The following CENPK variants were observed in gnomAD, a reference collection of about 807,000 sequenced individuals.
The protein encoded by CENPK is centromere protein K, also known as SoxLZ/Sox6-binding protein Solt.
Under a neutral mutation model 40.9 loss-of-function variants are expected in CENPK, and 46 were observed. The observed-to-expected ratio is 1.13, with a 90% CI of 0.89 to 1.44. The LOEUF is 1.44. Ranked by LOEUF, CENPK falls within the 40% of genes most tolerant of loss-of-function variation. The pLI is 0.00. For missense variants in CENPK, 288 were observed against 303.5 expected (o/e 0.95, Z 0.38); for synonymous variants, 107 against 104.4 (o/e 1.02, Z -0.15).
intron 5 of CENPK, among the ~76,000 whole-genome samples, chr5:65,547,828 C>T (rs1285090179): frequency 6.6e-6 from 1 of 152,044 alleles, no homozygotes; most frequent in Non-Finnish European, 1.5e-5. Context: ...CAACACCTGG[C>T]AAATTTTTTA....
At chr5:65,550,234 C>G (rs1222593486) in intron 5 of CENPK, among the ~76,000 whole-genome samples, 4 of 151,800 alleles carry the variant, frequency 2.6e-5, no homozygotes, top group Non-Finnish European at 4.4e-5. Flanking sequence ...CTAACTGGTG[C>G]CGGAGGCCTA....
intron 6 of CENPK, among the ~76,000 whole-genome samples, chr5:65,535,171 A>G (rs951651031): frequency 1.3e-5 from 2 of 152,178 alleles, no homozygotes; most frequent in Non-Finnish European, 2.9e-5. Context: ...GGTCAAGGTT[A>G]CAACGAACTG....
At chr5:65,541,424 T>C (rs1173144669) in intron 6 of CENPK, 1 of 456,256 alleles carries the variant, frequency 2.2e-6, no homozygotes, top group South Asian at 1.5e-5. Flanking sequence ...GAGAGAATCA[T>C]CATCTGCAGA....
At chr5:65,540,456 A>G (rs751717710) in intron 6 of CENPK, among the ~76,000 whole-genome samples, 8 of 152,174 alleles carry the variant, frequency 5.3e-5, no homozygotes, top group Admixed American at 2.0e-4. Context: ...CATATGCATG[A>G]GTTGACTGAT....
chr5:65,553,941 A>C (rs1417063211), intron 3 of CENPK, among the ~76,000 whole-genome samples: 1 of 152,144 alleles, frequency 6.6e-6, no homozygotes, highest in Non-Finnish European at 1.5e-5. Flanking sequence ...CACACTCAAC[A>C]AAATCCTTTA....
chr5:65,557,656 C>A (rs1459911267), intron 2 of CENPK, among the ~76,000 whole-genome samples: 1 of 152,230 alleles, frequency 6.6e-6, no homozygotes, highest in Admixed American at 6.5e-5. Context: ...GATCTTCTAG[C>A]CAAGGCTCCA....
At chr5:65,511,504 A>G in the CENPK span, among the ~76,000 whole-genome samples, 1 of 152,192 alleles carries the variant, frequency 6.6e-6, no homozygotes, top group African/African-American at 2.4e-5. Flanking sequence ...AGTTAAAACC[A>G]GTGCTCGTGT....
chr5:65,551,380 T>C, intron 5 of CENPK, 184 bp downstream of exon 5: 1 of 521,574 alleles, frequency 1.9e-6, no homozygotes, highest in East Asian at 3.3e-5. Context: ...ATGTAAGATA[T>C]GTTTATCAAT....
chr5:65,548,066 G>C (rs1236733843), intron 5 of CENPK, among the ~76,000 whole-genome samples: 1 of 152,124 alleles, frequency 6.6e-6, no homozygotes, highest in African/African-American at 2.4e-5. Context: ...AAACAGAGCG[G>C]GAGAAGAAAG....
At chr5:65,496,980 C>T in the CENPK span, among the ~76,000 whole-genome samples, 1 of 151,998 alleles carries the variant, frequency 6.6e-6, no homozygotes, top group Non-Finnish European at 1.5e-5. Context: ...TGATTGAACC[C>T]ATGAGGCGGA....
At chr5:65,500,642 C>T in the CENPK span, among the ~76,000 whole-genome samples, 5 of 151,880 alleles carry the variant, frequency 3.3e-5, no homozygotes, top group Non-Finnish European at 2.9e-5. Context: ...TAAGGAATAT[C>T]TATTGTTCTT....
chr5:65,520,612 A>T (rs1743559689), intron 10 of CENPK, among the ~76,000 whole-genome samples: 1 of 152,222 alleles, frequency 6.6e-6, no homozygotes, highest in Admixed American at 6.5e-5. Context: ...TTACGAATCT[A>T]ATAAATATTT....
At chr5:65,554,456 A>G (rs1445404105) in intron 3 of CENPK, among the ~76,000 whole-genome samples, 1 of 152,190 alleles carries the variant, frequency 6.6e-6, no homozygotes, top group Non-Finnish European at 1.5e-5. Flanking sequence ...CTCTTTCAGA[A>G]AGCTATCCTT....
At chr5:65,556,098 G>C (rs1750933145) in intron 2 of CENPK, among the ~76,000 whole-genome samples, 1 of 152,166 alleles carries the variant, frequency 6.6e-6, no homozygotes, top group Admixed American at 6.5e-5. Flanking sequence ...CTTAGGCCTA[G>C]GCTAATGTGT....
chr5:65,521,297 T>A (rs548949217), intron 10 of CENPK, among the ~76,000 whole-genome samples, 178 bp downstream of exon 10: 20 of 152,320 alleles, frequency 1.3e-4, no homozygotes, highest in African/African-American at 4.8e-4. Flanking sequence ...CTCTCAGTAC[T>A]GTACAGGGAA....
At chr5:65,506,680 G>A in the CENPK span, among the ~76,000 whole-genome samples, 2 of 152,002 alleles carry the variant, frequency 1.3e-5, no homozygotes, top group African/African-American at 4.8e-5. Context: ...AGCTGCTCAG[G>A]AGGCTAAGGC....
chr5:65,545,034 T>G (rs1040457447), intron 5 of CENPK, among the ~76,000 whole-genome samples: 3 of 152,076 alleles, frequency 2.0e-5, no homozygotes, highest in Non-Finnish European at 4.4e-5. Context: ...TTTACCACAA[T>G]TAAAAAATTT....
the CENPK span, among the ~76,000 whole-genome samples, chr5:65,510,345 G>A: frequency 7.9e-5 from 12 of 151,632 alleles, no homozygotes; most frequent in African/African-American, 2.9e-4. Context: ...CCAGATAGAA[G>A]ATCAGACTAG....
At chr5:65,536,174 T>C (rs1010108229) in intron 6 of CENPK, among the ~76,000 whole-genome samples, 5 of 152,174 alleles carry the variant, frequency 3.3e-5, no homozygotes, top group African/African-American at 1.2e-4. Flanking sequence ...TGCATCAAGT[T>C]TGGATTCTGG....
Sources: gnomAD v4.1 joint callset for allele counts (sites outside exome capture counted in the v4.1 genomes callset) on GRCh38, gnomAD v4.1.1 for gene constraint, MANE v1.5 for transcripts, NCBI Gene and HGNC (gene_info 2026-07-23, HGNC 2026-07-21) for gene names.